SLIT1: variants seen among roughly 807,000 people sequenced by gnomAD.
SLIT1 encodes slit guidance ligand 1.
In SLIT1, 66 loss-of-function variants were observed where a neutral mutation model predicts 186.1. The observed-to-expected ratio is 0.35, with a 90% CI of 0.29 to 0.44. The LOEUF (loss-of-function observed/expected upper bound fraction) is 0.44, where lower values mean the gene tolerates loss of function less well. Ranked by LOEUF, SLIT1 falls within the 20% of genes least tolerant of loss-of-function variation. SLIT1 has a pLI of 1.00. For synonymous variants in SLIT1, 761 were observed against 833.8 expected, an observed-to-expected ratio of 0.91 and a Z score of 1.50; for missense variants, 1,638 against 2,037.4, an observed-to-expected ratio of 0.80 and a Z score of 3.77.
At chr10:97,072,391 T>C (rs1849008586) in intron 4 of SLIT1, among the ~76,000 whole-genome samples, 1 of 152,186 alleles carries the variant, frequency 6.6e-6, no homozygotes, top group African/African-American at 2.4e-5. Flanking sequence ...CTCAAACTCC[T>C]GGGTTCAAGT....
At chr10:97,145,994 A>G (rs1461182128) in intron 4 of SLIT1, among the ~76,000 whole-genome samples, 1 of 152,232 alleles carries the variant, frequency 6.6e-6, no homozygotes, top group African/African-American at 2.4e-5. Context: ...AACATTTGAA[A>G]GATCTGAGCT....
At chr10:97,035,915 C>T (rs1273219122) in intron 22 of SLIT1, among the ~76,000 whole-genome samples, 1 of 152,182 alleles carries the variant, frequency 6.6e-6, no homozygotes, top group African/African-American at 2.4e-5. Context: ...GATGCCCTCC[C>T]CGCAAGCCGC....
intron 1 of SLIT1, among the ~76,000 whole-genome samples, chr10:97,166,623 G>GAAAGAAAAGAAAAGAAA (rs3979552): frequency 2.3e-5 from 1 of 42,678 alleles, no homozygotes; most frequent in South Asian, 8.7e-4. Context: ...AAGAAAGAAA[G>GAAAGAAAAGAAAAGAAA]AGAAAAGAAA....
At chr10:97,153,774 T>C (rs957737311) in intron 4 of SLIT1, 1 of 152,262 alleles carries the variant, frequency 6.6e-6, no homozygotes, top group African/African-American at 2.4e-5. Flanking sequence ...GCACCATGGC[T>C]GACCTGAGTC....
intron 31 of SLIT1, among the ~76,000 whole-genome samples, chr10:97,007,533 A>T (rs541409091): frequency 6.6e-6 from 1 of 152,220 alleles, no homozygotes; most frequent in Non-Finnish European, 1.5e-5. Flanking sequence ...AAATATTGTC[A>T]CCAAAATCCT....
chr10:97,040,433 C>T (rs950678035), intron 20 of SLIT1, among the ~76,000 whole-genome samples: 9 of 152,116 alleles, frequency 5.9e-5, no homozygotes, highest in Non-Finnish European at 1.2e-4. Context: ...CCTGCTACTC[C>T]GGGCACTGGA....
chr10:97,047,303 G>T (rs1027272307), intron 16 of SLIT1, among the ~76,000 whole-genome samples: 10 of 152,348 alleles, frequency 6.6e-5, no homozygotes, highest in African/African-American at 2.4e-4. Context: ...ACAGATGCTT[G>T]CAGGCATCTA....
intron 13 of SLIT1, among the ~76,000 whole-genome samples, chr10:97,050,380 G>A (rs768222146): frequency 4.6e-5 from 7 of 152,322 alleles, no homozygotes; most frequent in South Asian, 2.1e-4. Flanking sequence ...GCTCTCTGCC[G>A]TCCATCACCT....
intron 4 of SLIT1, among the ~76,000 whole-genome samples, chr10:97,089,752 G>A (rs1349349301): frequency 6.6e-6 from 1 of 152,092 alleles, no homozygotes; most frequent in Non-Finnish European, 1.5e-5. Context: ...GGAGGGGTGG[G>A]GTTCACCGGG....
In SLIT1 at chr10:97,043,632, G is replaced by A. The variant is rs369667285; in HGVS notation, c.1854-119C>T. 1.0e-5 allele frequency: 10 copies of A among 1,003,854 alleles called. No homozygotes were observed. Among genetic ancestry groups the A allele is most frequent in the African/African-American group, 4.8e-5 (3 of 62,922 alleles). 62.2% of individuals were successfully genotyped at this position (1,003,854 alleles called of 1,614,324 possible). A position where few individuals can be genotyped will look rare whatever the true frequency, so the allele number is the denominator to read the frequency against. ...AGTTCTCCTCCATAGGCTGCGAGCC[G>A]CAGAGCCAGGAACACGCACCAGCCA... On this transcript the variant is annotated intron_variant, in intron 18 of 36. Transcript: ENST00000266058. The surrounding 1 kb of genome is among the most constrained non-coding windows in gnomAD (Gnocchi z 7.0).
At chr10:97,030,101 G>A (rs1253019068) in intron 25 of SLIT1, among the ~76,000 whole-genome samples, 1 of 152,184 alleles carries the variant, frequency 6.6e-6, no homozygotes, top group Non-Finnish European at 1.5e-5. Context: ...ATCTGTTTGA[G>A]TCCCTGCTTT....
intron 10 of SLIT1, 35 bp from the exon 11 acceptor site, chr10:97,059,566 A>G: frequency 6.5e-7 from 1 of 1,538,064 alleles, no homozygotes; most frequent in East Asian, 2.2e-5. Context: ...GGGCATCTGA[A>G]TCCCTCAACA....
At chr10:97,119,604 A>T (rs891425507) in intron 4 of SLIT1, among the ~76,000 whole-genome samples, 1 of 151,818 alleles carries the variant, frequency 6.6e-6, no homozygotes, top group African/African-American at 2.4e-5. Context: ...AGGGTCTGGG[A>T]GGACTCAGGA....
chr10:97,057,944 G>A, intron 11 of SLIT1: 1 of 716,504 alleles, frequency 1.4e-6, no homozygotes, highest in Non-Finnish European at 2.6e-6. Flanking sequence ...GACCCCACAA[G>A]CTACCCTCGT....
chr10:97,120,567 C>T (rs544156768), intron 4 of SLIT1, among the ~76,000 whole-genome samples: 4 of 152,330 alleles, frequency 2.6e-5, no homozygotes, highest in African/African-American at 7.2e-5. Context: ...TGTGCACGGG[C>T]GGCTCTGAGC....
At chr10:97,071,274 T>C (rs1162211385) in intron 4 of SLIT1, among the ~76,000 whole-genome samples, 1 of 152,092 alleles carries the variant, frequency 6.6e-6, no homozygotes, top group East Asian at 1.9e-4. Flanking sequence ...TGAGAGCATG[T>C]GCATTAAGAG....
intron 4 of SLIT1, among the ~76,000 whole-genome samples, chr10:97,099,151 T>C (rs1422457117): frequency 6.7e-6 from 1 of 149,252 alleles, no homozygotes; most frequent in African/African-American, 2.5e-5. Flanking sequence ...GTGTCCAGTT[T>C]GGGGGGATGC....
chr10:97,000,850 ATATT>A lies in SLIT1; in HGVS notation c.*258_*261del. On this transcript the variant is annotated 3_prime_UTR_variant, in exon 37 of 37. Transcript: ENST00000266058. ...CCTCACGCACACATTCACTCAACAA[ATATT>A]TATTAAGCGCCTATTTGTGCAAGGC... is the stretch of plus-strand genomic sequence containing the variant. 5 of 516,436 alleles carry A rather than the reference ATATT, an allele frequency of 9.7e-6. No individual in the cohort carries two copies. The South Asian group carries it at 1.1e-4, about 11-fold the overall frequency. 32.0% of individuals were successfully genotyped at this position (516,436 alleles called of 1,614,324 possible).
At chr10:97,159,831 C>T (rs1206659250) in intron 3 of SLIT1, among the ~76,000 whole-genome samples, 1 of 152,210 alleles carries the variant, frequency 6.6e-6, no homozygotes, top group Non-Finnish European at 1.5e-5. Context: ...ACCCTCCTGA[C>T]TCTCAACAAA....
Sources: gnomAD v4.1 joint callset for allele counts (sites outside exome capture counted in the v4.1 genomes callset) on GRCh38, gnomAD v4.1.1 for gene constraint, Gnocchi (gnomAD v3.1) non-coding constraint, MANE v1.5 for transcripts, NCBI Gene and HGNC (gene_info 2026-07-23, HGNC 2026-07-21) for gene names.